JMJD1C: variants seen among roughly 807,000 people sequenced by gnomAD.
JMJD1C encodes jumonji domain-containing protein 1C.
In JMJD1C, 31 loss-of-function variants were observed where a neutral mutation model predicts 245.3. That is an observed-to-expected ratio of 0.13 (90% CI 0.09 to 0.17). JMJD1C has a LOEUF of 0.17. JMJD1C is among the 10% of genes least tolerant of loss of function. JMJD1C has a pLI of 1.00. For synonymous variants in JMJD1C, 1,057 were observed against 1,017.4 expected, an observed-to-expected ratio of 1.04 and a Z score of -0.74; for missense variants, 2,691 against 3,000.2, an observed-to-expected ratio of 0.90 and a Z score of 2.41.
At chr10:63,518,778 G>C (rs1184659652) in intron 1 of JMJD1C, among the ~76,000 whole-genome samples, 1 of 152,206 alleles carries the variant, frequency 6.6e-6, no homozygotes, top group Non-Finnish European at 1.5e-5. Context: ...CTCAACAAAT[G>C]CAAGTTGTTA....
intron 11 of JMJD1C, among the ~76,000 whole-genome samples, chr10:63,199,311 G>A (rs945948054): frequency 5.3e-5 from 8 of 152,098 alleles, no homozygotes; most frequent in African/African-American, 1.4e-4. Flanking sequence ...TATGGTAAAC[G>A]GAAGGCAAAA....
chr10:63,215,081 T>C lies in JMJD1C; in HGVS notation c.1086A>G (p.Leu362=), dbSNP rs1159140177. The change falls in exon 8 of 26, where the codon CTA becomes CTG. Residue 362 remains leucine (L), a synonymous_variant. Transcript: ENST00000399262. ...RRKPEEDEKK[L]NMKRLRTDNV... The stretch of plus-strand genomic sequence containing the variant: ...TGTCAGTTCGAAGTCTTTTCATATT[T>C]AGTTTCTTTTCATCCTCCTCAGGTT... 5 of 1,596,002 alleles carry C rather than the reference T, an allele frequency of 3.1e-6. No individual in the cohort carries two copies. Among genetic ancestry groups the C allele is most frequent in the South Asian group, 1.2e-5 (1 of 85,598 alleles).
At chr10:63,265,613 T>C (rs1855469030) in intron 2 of JMJD1C, among the ~76,000 whole-genome samples, 1 of 152,194 alleles carries the variant, frequency 6.6e-6, no homozygotes, top group African/African-American at 2.4e-5. Context: ...AAGTGTCTTA[T>C]ATTCATGGTA....
At chr10:63,435,516 G>A (rs538463495) in intron 1 of JMJD1C, among the ~76,000 whole-genome samples, 1 of 152,192 alleles carries the variant, frequency 6.6e-6, no homozygotes, top group Admixed American at 6.5e-5. Context: ...TAATTTCTGA[G>A]GATTAATATG....
Position 63,293,789 on chromosome 10 carries a change from A to ATT in JMJD1C, c.334-29027_334-29026dup, listed in dbSNP as rs11408050. Among the ~76,000 whole-genome samples the ATT allele has an allele frequency of 1.5e-3, 226 of 150,790 alleles. 1 individual carries two copies. Among genetic ancestry groups the ATT allele is most frequent in the African/African-American group, 4.5e-3 (183 of 41,092 alleles). The stretch of plus-strand genomic sequence containing the variant: ...TTCTGATGCTTTCCCTATTTCTCTA[A>ATT]TTTTTTTTTTCAATCTTCCCAGATG... On this transcript the variant is annotated intron_variant, in intron 2 of 25. Transcript: ENST00000399262.
At chr10:63,182,769 A>G (rs1266126810) in intron 22 of JMJD1C, among the ~76,000 whole-genome samples, 3 of 152,236 alleles carry the variant, frequency 2.0e-5, no homozygotes, top group Non-Finnish European at 2.9e-5. Flanking sequence ...CTGGAGGGGA[A>G]AAAAGAATGT....
At chr10:63,238,315 A>ATT (rs903274354) in intron 3 of JMJD1C, among the ~76,000 whole-genome samples, 78 of 149,096 alleles carry the variant, frequency 5.2e-4, no homozygotes, top group African/African-American at 1.9e-3. Context: ...GCCTTTCAGC[A>ATT]TTTTTTTTTT....
In JMJD1C at chr10:63,204,769, T is replaced by C. The variant is rs910768704; in HGVS notation, c.5074+1826A>G. ...TGTCAGTCTCTGGCTCTAGTTGAGT[T>C]TGTCCTTTGTTCTTTCACTTTCTGA... On this transcript the variant is annotated intron_variant, in intron 10 of 25. Transcript: ENST00000399262. The C allele has an allele frequency of 1.0e-5, 10 of 985,358 alleles. No homozygotes were observed. In the African/African-American group the frequency reaches 1.4e-4, roughly 14 times the overall value. 61.0% of individuals were successfully genotyped at this position (985,358 alleles called of 1,614,324 possible). A position where few individuals can be genotyped will look rare whatever the true frequency, so the allele number is the denominator to read the frequency against.
intron 25 of JMJD1C, 109 bp from the exon 26 acceptor site, chr10:63,168,243 A>C: frequency 9.8e-7 from 1 of 1,025,326 alleles, no homozygotes; most frequent in Non-Finnish European, 1.5e-6. Flanking sequence ...AGCCAAATAT[A>C]AGAAAAATGT....
chr10:63,175,502 T>C (rs1056539761), intron 24 of JMJD1C, among the ~76,000 whole-genome samples: 2 of 152,222 alleles, frequency 1.3e-5, no homozygotes, highest in African/African-American at 2.4e-5. Context: ...TAAGTAGTAT[T>C]TGTATGGAAG....
In JMJD1C at chr10:63,191,033, C is replaced by G; in HGVS notation, c.6152G>C (p.Arg2051Thr). Residue 2051 changes from arginine to threonine, a missense_variant, in exon 17 of 26, where the codon AGA (arginine) becomes ACA (threonine). Transcript: ENST00000399262. ...ATTCTGGGACACAAGAGGTGATGTT[C>G]TGCCATTTGGAGATTCAGAGTTGTC... ...EQDNSESPNG[R>T]TSPLVSQNNE... is the part of the protein sequence containing the mutation. 1 of 1,614,138 alleles carries G rather than the reference C, an allele frequency of 6.2e-7. No individual in the cohort carries two copies. The highest frequency in any genetic ancestry group is 8.5e-7 in the Non-Finnish European group (1 of 1,179,964).
At chr10:63,177,887 C>A (rs758874713) in intron 22 of JMJD1C, 31 bp from the exon 23 acceptor site, 61 of 1,605,830 alleles carry the variant, frequency 3.8e-5, no homozygotes, top group Non-Finnish European at 4.9e-5. Context: ...TTCAAATTGT[C>A]GGCAAAGAAT....
rs144326841 is a variant in JMJD1C, at chr10:63,388,785, A to G, written c.169-8303T>C. Among the ~76,000 whole-genome samples the G allele has an allele frequency of 6.7e-4, 102 of 152,334 alleles. 1 individual carries two copies. The highest frequency in any genetic ancestry group is 2.3e-3 in the African/African-American group (96 of 41,574). On this transcript the variant is annotated intron_variant, in intron 1 of 25. Transcript: ENST00000399262. Reference sequence around the variant, plus strand: ...TAATGGCACAACTATATGCTGCCCAAAAGAAACTCATCTCCCCTATAAAGG... The same window carrying G: ...TAATGGCACAACTATATGCTGCCCAGAAGAAACTCATCTCCCCTATAAAGG...
At chr10:63,349,778 C>T (rs888685789) in intron 2 of JMJD1C, among the ~76,000 whole-genome samples, 2 of 151,938 alleles carry the variant, frequency 1.3e-5, no homozygotes, top group African/African-American at 4.8e-5. Flanking sequence ...TCCAGAAGCG[C>T]TACACAGTTA....
At chr10:63,250,383 G>T (rs1294948488) in intron 3 of JMJD1C, among the ~76,000 whole-genome samples, 1 of 152,116 alleles carries the variant, frequency 6.6e-6, no homozygotes, top group Non-Finnish European at 1.5e-5. Context: ...ATGAGGAAAA[G>T]ATACCTTGGA....
chr10:63,492,408 G>C (rs998821250), intron 1 of JMJD1C, among the ~76,000 whole-genome samples: 1 of 152,256 alleles, frequency 6.6e-6, no homozygotes, highest in Non-Finnish European at 1.5e-5. Context: ...ACTCACGCCT[G>C]TAATCCCAGC....
upstream of JMJD1C, among the ~76,000 whole-genome samples, chr10:63,470,929 A>C (rs993859147): frequency 6.6e-6 from 1 of 152,170 alleles, no homozygotes; most frequent in Non-Finnish European, 1.5e-5. Flanking sequence ...AAAAATTAAA[A>C]ATTTAGAAAG....
chr10:63,495,958 AT>A (rs1954352988), intron 1 of JMJD1C, among the ~76,000 whole-genome samples: 1 of 151,732 alleles, frequency 6.6e-6, no homozygotes, highest in Admixed American at 6.6e-5. Flanking sequence ...GATCTAAGCA[AT>A]GACCACCAAT....
intron 24 of JMJD1C, among the ~76,000 whole-genome samples, chr10:63,169,516 TAA>T (rs930658391): frequency 7.0e-4 from 107 of 152,024 alleles, no homozygotes; most frequent in African/African-American, 2.4e-3. Context: ...AAAGAGATAG[TAA>T]GTGGGAAATG....
Sources: allele counts gnomAD v4.1 joint callset (sites outside exome capture counted in the v4.1 genomes callset), GRCh38; gene constraint gnomAD v4.1.1; transcripts MANE v1.5; gene names NCBI Gene and HGNC (gene_info 2026-07-23, HGNC 2026-07-21).